CNNM4: variants seen among roughly 807,000 people sequenced by gnomAD.
CNNM4 encodes cyclin and CBS domain divalent metal cation transport mediator 4.
A neutral mutation model predicts 53.7 loss-of-function variants in CNNM4; 32 were observed. That is an observed-to-expected ratio of 0.60 (90% confidence interval 0.45 to 0.80). The LOEUF is 0.80. Ranked by LOEUF, CNNM4 falls within the 30% of genes least tolerant of loss-of-function variation. CNNM4 has a pLI of 0.00. For synonymous variants in CNNM4, 410 were observed against 440.0 expected, an observed-to-expected ratio of 0.93 and a Z score of 0.85; for missense variants, 784 against 1,022.0, an observed-to-expected ratio of 0.77 and a Z score of 3.17.
chr2:96,801,078 C>T lies in CNNM4; in HGVS notation c.1948+1430C>T. ...ACCTTCTCTTTTGCTCCAGTGCCTT[C>T]AGTCCAGGTCGGGTGTCCGCCTGGC... On this transcript the variant is annotated intron_variant, in intron 5 of 6. Transcript: ENST00000377075. The surrounding 1 kb of genome is among the most constrained non-coding windows in gnomAD (Gnocchi z 5.6). The T allele has an allele frequency of 1.0e-6, 1 of 985,384 alleles. No homozygotes were observed. Among genetic ancestry groups the T allele is most frequent in the Non-Finnish European group, 1.2e-6 (1 of 829,874 alleles). The allele number at this position is 985,384 out of a possible 1,614,324, so 61.0% of individuals were successfully genotyped here.
intron 1 of CNNM4, among the ~76,000 whole-genome samples, chr2:96,772,486 GCA>G (rs2078884837): frequency 9.9e-6 from 1 of 100,876 alleles, no homozygotes. Context: ...TCTCACCCAT[GCA>G]CGCACACACA....
chr2:96,787,726 T>C (rs2079026995), intron 1 of CNNM4, among the ~76,000 whole-genome samples: 1 of 151,932 alleles, frequency 6.6e-6, no homozygotes, highest in African/African-American at 2.4e-5. Flanking sequence ...CTGAGCTTAG[T>C]GGCATGCCCT....
At position 96,808,683 on chromosome 2, in the gene CNNM4, C is replaced by G; in HGVS notation, c.2071C>G (p.Leu691Val). The G allele has an allele frequency of 6.2e-7, 1 of 1,614,222 alleles. No homozygotes were observed. The highest frequency in any genetic ancestry group is 8.5e-7 in the Non-Finnish European group (1 of 1,180,044). The change falls in exon 6 of 7, where the codon CTG becomes GTG. Residue 691 changes from leucine (L) to valine (V), a missense_variant. Leu to Val is a conservative substitution (Grantham distance 32). This residue lies in a region of CNNM4 where 307 missense variants were observed against 376.3 expected (regional missense o/e 0.82). Transcript: ENST00000377075. The surrounding 1 kb of genome is among the most constrained non-coding windows in gnomAD (Gnocchi z 4.9). Reference protein sequence around the residue: ...GSSNQFGSSVLGQYISDFSVR... With the variant: ...GSSNQFGSSVVGQYISDFSVR... The stretch of plus-strand genomic sequence containing the variant: ...CAGCAACCAGTTTGGCAGCTCTGTC[C>G]TGGGCCAGTACATCTCTGACTTCAG...
chr2:96,760,957 G>C lies in CNNM4; in HGVS notation c.-43G>C. The C allele has an allele frequency of 1.0e-6, 1 of 969,088 alleles. No individual in the cohort carries two copies. The highest frequency in any genetic ancestry group is 1.2e-6 in the Non-Finnish European group (1 of 813,788). The allele number at this position is 969,088 out of a possible 1,614,324, so 60.0% of individuals were successfully genotyped here. On this transcript the variant is annotated 5_prime_UTR_variant, in exon 1 of 7. Coordinates refer to ENST00000377075, the MANE Select transcript of CNNM4 (RefSeq NM_020184.4). Reference sequence around the variant, plus strand: ...GCTGCGGTGCGGACCGGGGCCGCGCGGCGTGGCGCGGGGAGCGGCGGCGGC... The same window carrying C: ...GCTGCGGTGCGGACCGGGGCCGCGCCGCGTGGCGCGGGGAGCGGCGGCGGC...
chr2:96,791,710 G>A (rs569668603), intron 1 of CNNM4, among the ~76,000 whole-genome samples: 2 of 152,072 alleles, frequency 1.3e-5, no homozygotes, highest in South Asian at 4.1e-4. Context: ...CAAAATGTTA[G>A]TATTTGCTTG....
intron 1 of CNNM4, among the ~76,000 whole-genome samples, chr2:96,786,642 G>T (rs1161025544): frequency 1.3e-5 from 2 of 151,748 alleles, no homozygotes; most frequent in South Asian, 2.1e-4. Context: ...AGCTCAGCGT[G>T]GTGGCAGGCA....
In CNNM4 at chr2:96,762,159, G is replaced by A; in HGVS notation, c.1160G>A (p.Arg387His). ...MTQLQDCFMI[R>H]SDAILDFNTM... ...CAGCTCCAGGACTGCTTCATGATCC[G>A]CAGCGATGCCATCCTGGACTTCAAC... The change falls in exon 1 of 7, where the codon CGC (arginine) becomes CAC (histidine). Residue 387 changes from arginine (R) to histidine (H), a missense_variant. Around this residue, in one of 3 missense-constraint regions of CNNM4, gnomAD observed 473 missense variants for 624.6 expected, o/e 0.76. Coordinates refer to ENST00000377075, the MANE Select transcript of CNNM4 (RefSeq NM_020184.4). The A allele has an allele frequency of 6.2e-7, 1 of 1,614,106 alleles. No individual in the cohort carries two copies. Among genetic ancestry groups the A allele is most frequent in the Non-Finnish European group, 8.5e-7 (1 of 1,180,002 alleles).
Position 96,809,729 on chromosome 2 carries a change from A to G in CNNM4, c.*212A>G. Reference sequence around the variant, plus strand: ...CTGTCCAGCCCTGGATAGGGGGGGCAGTGGGCCAGCTACCGTAAGCAAAGG... The same window carrying G: ...CTGTCCAGCCCTGGATAGGGGGGGCGGTGGGCCAGCTACCGTAAGCAAAGG... On this transcript the variant is annotated 3_prime_UTR_variant, in exon 7 of 7. Transcript: ENST00000377075. 1 of 503,926 alleles carries G rather than the reference A, an allele frequency of 2.0e-6. No individual in the cohort carries two copies. 31.2% of individuals were successfully genotyped at this position (503,926 alleles called of 1,614,324 possible).
intron 5 of CNNM4, among the ~76,000 whole-genome samples, chr2:96,804,946 C>T (rs977135719): frequency 1.1e-4 from 16 of 151,792 alleles, no homozygotes; most frequent in Non-Finnish European, 1.5e-4. Flanking sequence ...CGCTTGAGCC[C>T]AGGAGTTTCA....
In CNNM4 at chr2:96,804,637, G is replaced by A. The variant is rs531481278; in HGVS notation, c.1949-3924G>A. Among the ~76,000 whole-genome samples the A allele has an allele frequency of 1.3e-4, 20 of 151,744 alleles. No individual in the cohort carries two copies. In the East Asian group the frequency reaches 3.9e-3, roughly 30 times the overall value. On this transcript the variant is annotated intron_variant, in intron 5 of 6. Coordinates refer to ENST00000377075, the MANE Select transcript of CNNM4 (RefSeq NM_020184.4). ...AGGCTGGTCTTGAACTCCTGACCTCGTGATCCACCCGCCTCGGCCTCCCAA... is the reference window on the plus strand; with the variant it reads ...AGGCTGGTCTTGAACTCCTGACCTCATGATCCACCCGCCTCGGCCTCCCAA...
In CNNM4 at chr2:96,810,235, G is replaced by C. The variant is rs2079245499; in HGVS notation, c.*718G>C. 1 of 152,718 alleles carries C rather than the reference G, an allele frequency of 6.5e-6. No homozygotes were observed. The highest frequency in any genetic ancestry group is 2.4e-5 in the African/African-American group (1 of 41,444). The allele number at this position is 152,718 out of a possible 1,614,324, so 9.5% of individuals were successfully genotyped here. A position where few individuals can be genotyped will look rare whatever the true frequency, so the allele number is the denominator to read the frequency against. ...GCTGTACCCAGAAATCTAGAACTCT[G>C]CCGACAGCCTCTCCTGGTGAGTCGG... On this transcript the variant is annotated 3_prime_UTR_variant, in exon 7 of 7. Transcript: ENST00000377075. The surrounding 1 kb of genome is among the most constrained non-coding windows in gnomAD (Gnocchi z 4.1).
intron 1 of CNNM4, among the ~76,000 whole-genome samples, chr2:96,785,912 C>G (rs2079012465): frequency 6.6e-6 from 1 of 151,792 alleles, no homozygotes; most frequent in South Asian, 2.1e-4. Context: ...ATGGTGAAAC[C>G]CCATCTCTAC....
chr2:96,780,305 C>T (rs902982492), intron 1 of CNNM4, among the ~76,000 whole-genome samples: 1 of 152,120 alleles, frequency 6.6e-6, no homozygotes, highest in African/African-American at 2.4e-5. Context: ...TCCATCTCCA[C>T]CCCAGCTGGG....
chr2:96,785,502 T>C (rs948573219), intron 1 of CNNM4, among the ~76,000 whole-genome samples: 1 of 151,734 alleles, frequency 6.6e-6, no homozygotes, highest in Non-Finnish European at 1.5e-5. Context: ...CCAGGCATGA[T>C]GGCCTGTAAT....
intron 3 of CNNM4, chr2:96,798,460 T>A (rs935174807): frequency 6.0e-6 from 1 of 166,422 alleles, no homozygotes; most frequent in Non-Finnish European, 1.3e-5. Context: ...GGAATTCACT[T>A]CTAGTTCAGA....
intron 1 of CNNM4, among the ~76,000 whole-genome samples, chr2:96,782,303 T>A (rs904658831): frequency 4.6e-5 from 7 of 151,980 alleles, no homozygotes; most frequent in African/African-American, 1.7e-4. Context: ...TCCCAGCTAC[T>A]TGGGAGGCTG....
Position 96,799,098 on chromosome 2 carries a change from C to G in CNNM4, c.1723C>G (p.Leu575Val). The G allele has an allele frequency of 6.2e-7, 1 of 1,614,162 alleles. No individual in the cohort carries two copies. Among genetic ancestry groups the G allele is most frequent in the Middle Eastern group, 1.6e-4 (1 of 6,062 alleles). Residue 575 changes from leucine (L) to valine (V), a missense_variant, in exon 4 of 7, where the codon CTG becomes GTG. Leu to Val is a conservative substitution (Grantham distance 32). Coordinates refer to ENST00000377075, the MANE Select transcript of CNNM4 (RefSeq NM_020184.4). ...CCCCTCCCTGATATCAGAGAAGATCCTGCTGCGGCTACTCAAGTACCCAGA... is the reference window on the plus strand; with the variant it reads ...CCCCTCCCTGATATCAGAGAAGATCGTGCTGCGGCTACTCAAGTACCCAGA... Reference protein sequence around the residue: ...FSPSLISEKILLRLLKYPDVI... With the variant: ...FSPSLISEKIVLRLLKYPDVI...
chr2:96,808,512 G>C lies in CNNM4; in HGVS notation c.1949-49G>C, dbSNP rs185454368. 4.6e-4 allele frequency: 736 copies of C among 1,596,814 alleles called. No individual in the cohort carries two copies. Among genetic ancestry groups the C allele is most frequent in the Middle Eastern group, 1.0e-3 (6 of 5,802 alleles). The stretch of plus-strand genomic sequence containing the variant: ...GATGAGGTGAGACATGAGGGTGAGA[G>C]TGGGCATCGGAGTGGCCTTTGGCAT... On this transcript the variant is annotated intron_variant, in intron 5 of 6. Coordinates refer to ENST00000377075, the MANE Select transcript of CNNM4 (RefSeq NM_020184.4). The surrounding 1 kb of genome is among the most constrained non-coding windows in gnomAD (Gnocchi z 4.9).
chr2:96,792,809 A>G (rs1254587944), intron 1 of CNNM4, among the ~76,000 whole-genome samples: 10 of 152,016 alleles, frequency 6.6e-5, no homozygotes, highest in Admixed American at 6.6e-4. Flanking sequence ...TCTCAAAAAA[A>G]AAAGAGAGGA....
Sources: allele counts gnomAD v4.1 joint callset (sites outside exome capture counted in the v4.1 genomes callset), GRCh38; gene constraint gnomAD v4.1.1; regional missense constraint gnomAD v4.1.1; non-coding constraint Gnocchi (gnomAD v3.1); transcripts MANE v1.5; gene names NCBI Gene and HGNC (gene_info 2026-07-23, HGNC 2026-07-21).